LENG8: variants seen among roughly 807,000 people sequenced by gnomAD.
The protein encoded by LENG8 is leukocyte receptor cluster member 8, also known as leukocyte receptor cluster (LRC) member 8.
A neutral mutation model predicts 102.1 loss-of-function variants in LENG8; 28 were observed. The observed-to-expected ratio is 0.27, with a 90% CI of 0.20 to 0.38. The LOEUF (loss-of-function observed/expected upper bound fraction) is 0.38. Among genes scored for constraint, LENG8 ranks in the 10% least tolerant of loss-of-function variants. The pLI is 1.00. For missense variants in LENG8, 1,022 were observed against 1,113.9 expected (o/e 0.92, Z 1.17); for synonymous variants, 531 against 456.7 (o/e 1.16, Z -2.07).
Position 54,460,967 on chromosome 19 carries a change from C to T in LENG8, c.*39C>T, listed in dbSNP as rs1431790846. On this transcript the variant is annotated 3_prime_UTR_variant, in exon 16 of 16. Transcript: ENST00000326764. ...AGGGGCGGGGGCAGGGGCTGCAGCCCCCAGCGCTGCCTTTGCGGATTCTGT... is the reference window on the plus strand; with the variant it reads ...AGGGGCGGGGGCAGGGGCTGCAGCCTCCAGCGCTGCCTTTGCGGATTCTGT... The T allele has an allele frequency of 4.6e-6, 7 of 1,537,032 alleles. No individual in the cohort carries two copies. Among genetic ancestry groups the T allele is most frequent in the Non-Finnish European group, 6.1e-6 (7 of 1,146,600 alleles).
rs2084258090 is a variant in LENG8 at position 54,456,562 on chromosome 19, C to T, written c.1446-74C>T. 1.9e-6 allele frequency: 3 copies of T among 1,539,872 alleles called. No individual in the cohort carries two copies. The South Asian group carries it at 3.7e-5, about 19-fold the overall frequency. The stretch of plus-strand genomic sequence containing the variant: ...GAGGAGGGCCGGACAGGTGGACAGC[C>T]AGCTGCCAAAGGGGCGAGGCTGAAG... On this transcript the variant is annotated intron_variant, in intron 10 of 15. Coordinates refer to ENST00000326764, the MANE Select transcript of LENG8 (RefSeq NM_052925.4).
rs2084273229 is a variant in LENG8 at position 54,456,792 on chromosome 19, C to G, written c.1602C>G (p.Ser534Arg). Reference sequence around the variant, plus strand: ...TCGAGCCCCTGGTGCTGCAGATGAGCAGCCTGGAGAGCAGTGGGGCTGACC... The same window carrying G: ...TCGAGCCCCTGGTGCTGCAGATGAGGAGCCTGGAGAGCAGTGGGGCTGACC... ...LRLEPLVLQM[S>R]SLESSGADPD... The change falls in exon 11 of 16, where the codon AGC (serine) becomes AGG (arginine). Residue 534 changes from serine (S) to arginine (R), a missense_variant. Ser to Arg is a moderately radical substitution (Grantham distance 110). Around this residue, in one of 7 missense-constraint regions of LENG8, gnomAD observed 326 missense variants for 324.5 expected, o/e 1.00. Transcript: ENST00000326764. 4 of 1,611,472 alleles carry G rather than the reference C, an allele frequency of 2.5e-6. No individual in the cohort carries two copies. The highest frequency in any genetic ancestry group is 3.4e-6 in the Non-Finnish European group (4 of 1,179,576).
chr19:54,451,585 TC>T (rs1425028991), intron 2 of LENG8, among the ~76,000 whole-genome samples: 1 of 152,228 alleles, frequency 6.6e-6, no homozygotes, highest in Non-Finnish European at 1.5e-5. Flanking sequence ...CTCTGAGCTT[TC>T]GTTTTTCACA....
At chr19:54,451,422 AAG>A in intron 2 of LENG8, 40 bp downstream of exon 2, 1 of 1,603,572 alleles carries the variant, frequency 6.2e-7, no homozygotes, top group Non-Finnish European at 8.5e-7. Context: ...TCGGGAGGGA[AAG>A]AGGAAGCAAG....
intron 15 of LENG8, 165 bp downstream of exon 15, chr19:54,458,686 C>G: frequency 6.4e-7 from 1 of 1,551,636 alleles, no homozygotes; most frequent in Non-Finnish European, 8.7e-7. Context: ...TCTCCAGTTC[C>G]TCTTGCTCTC....
At position 54,456,915 on chromosome 19, in the gene LENG8, T is replaced by C. The variant is rs2084279758; in HGVS notation, c.1725T>C (p.Pro575=). Residue 575 remains proline (P), a synonymous_variant, in exon 11 of 16, where the codon CCT becomes CCC. Transcript: ENST00000326764. The part of the protein sequence containing the change: ...TCAPDPSTVR[P]VAVLKKSLCM... ...CCCCCGACCCGTCCACCGTGCGCCC[T>C]GTGGCAGTAAGTGCCCAGCAGGGCA... The C allele has an allele frequency of 6.2e-7, 1 of 1,605,356 alleles. No individual in the cohort carries two copies. The highest frequency in any genetic ancestry group is 1.1e-5 in the South Asian group (1 of 90,774).
At position 54,457,797 on chromosome 19, in the gene LENG8, G is replaced by A. The variant is rs368738531; in HGVS notation, c.1782G>A (p.Gln594=). ...CMVKCHWKEK[Q]DYAFACEQMK... is the part of the protein sequence containing the mutation. Reference sequence around the variant, plus strand: ...TCAAGTGCCACTGGAAAGAGAAGCAGGACTACGCGTTTGCCTGCGAGCAGA... The same window carrying A: ...TCAAGTGCCACTGGAAAGAGAAGCAAGACTACGCGTTTGCCTGCGAGCAGA... Residue 594 remains glutamine (Q), a synonymous_variant, in exon 12 of 16, where the codon CAG becomes CAA. Coordinates refer to ENST00000326764, the MANE Select transcript of LENG8 (RefSeq NM_052925.4). 123 of 1,614,118 alleles carry A rather than the reference G, an allele frequency of 7.6e-5. No homozygotes were observed. Among genetic ancestry groups the A allele is most frequent in the Admixed American group, 3.5e-4 (21 of 60,010 alleles).
intron 13 of LENG8, 45 bp downstream of exon 13, chr19:54,458,047 G>A (rs567839092): frequency 8.1e-6 from 13 of 1,612,252 alleles, no homozygotes; most frequent in Admixed American, 5.0e-5. Context: ...TCCTGCTGCC[G>A]TTCTGCCCTC....
chr19:54,456,933 G>T lies in LENG8; in HGVS notation c.1731+12G>T. 1 of 1,599,652 alleles carries T rather than the reference G, an allele frequency of 6.3e-7. No individual in the cohort carries two copies. The highest frequency in any genetic ancestry group is 8.5e-7 in the Non-Finnish European group (1 of 1,176,844). On this transcript the variant is annotated intron_variant, in intron 11 of 15. Coordinates refer to ENST00000326764, the MANE Select transcript of LENG8 (RefSeq NM_052925.4). ...TGCGCCCTGTGGCAGTAAGTGCCCA[G>T]CAGGGCAGTTCTGCTCTGTGAGGCC...
chr19:54,451,467 G>T (rs1002496319), intron 2 of LENG8, 85 bp downstream of exon 2: 5 of 1,383,354 alleles, frequency 3.6e-6, no homozygotes, highest in Non-Finnish European at 5.2e-6. Flanking sequence ...GGGACCTCCC[G>T]TGGCCTTAGG....
Position 54,460,833 on chromosome 19 carries a change from C to T in LENG8, c.2308C>T (p.Arg770Trp), listed in dbSNP as rs1219528894. Reference sequence around the variant, plus strand: ...GGCCTTCGAGGGCGAGGCCGCCTGCCGGGCCTTCCTAGAGCCCCTGGGCCT... The same window carrying T: ...GGCCTTCGAGGGCGAGGCCGCCTGCTGGGCCTTCCTAGAGCCCCTGGGCCT... Reference protein sequence around the residue: ...ELAFEGEAACRAFLEPLGLAY... With the variant: ...ELAFEGEAACWAFLEPLGLAY... The change falls in exon 16 of 16, where the codon CGG becomes TGG. Residue 770 changes from arginine to tryptophan, a missense_variant. Physicochemically the swap from Arg to Trp is moderately radical, Grantham distance 101. Around this residue, in one of 7 missense-constraint regions of LENG8, gnomAD observed 129 missense variants for 123.0 expected, o/e 1.05. Transcript: ENST00000326764. 11 of 1,578,794 alleles carry T rather than the reference C, an allele frequency of 7.0e-6. No individual in the cohort carries two copies. Among genetic ancestry groups the T allele is most frequent in the Admixed American group, 3.6e-5 (2 of 55,192 alleles).
chr19:54,458,075 C>T (rs1428780865), intron 13 of LENG8, 28 bp from the exon 14 acceptor site: 26 of 1,612,134 alleles, frequency 1.6e-5, no homozygotes, highest in African/African-American at 4.0e-5. Context: ...TCACTCTGCT[C>T]TCCTCCCTCG....
chr19:54,459,733 C>T, intron 15 of LENG8: 1 of 1,063,102 alleles, frequency 9.4e-7, no homozygotes, highest in South Asian at 2.7e-5. Context: ...TAGTGTGGGT[C>T]AAGCCAACTT....
At position 54,460,948 on chromosome 19, in the gene LENG8, G is replaced by A. The variant is rs958920408; in HGVS notation, c.*20G>A. On this transcript the variant is annotated 3_prime_UTR_variant, in exon 16 of 16. Coordinates refer to ENST00000326764, the MANE Select transcript of LENG8 (RefSeq NM_052925.4). ...TTCTGAGCACCCAGCGAGGAGGGGC[G>A]GGGGCAGGGGCTGCAGCCCCCAGCG... 28 of 1,525,918 alleles carry A rather than the reference G, an allele frequency of 1.8e-5. No individual in the cohort carries two copies. The highest frequency in any genetic ancestry group is 2.4e-5 in the South Asian group (2 of 81,948). 94.5% of individuals were successfully genotyped at this position (1,525,918 alleles called of 1,614,324 possible).
chr19:54,456,889 GC>G lies in LENG8; in HGVS notation c.1704del (p.Asp569ThrfsTer11). 6.2e-7 allele frequency: 1 copy of G among 1,609,300 alleles called. No individual in the cohort carries two copies. ...ITKHYLRLTC[A>X]PDPSTVRPVA... ...CAAGCACTACCTGCGCCTCACCTGT[GC>G]CCCCGACCCGTCCACCGTGCGCCCT... On this transcript the variant is annotated frameshift_variant, in exon 11 of 16. Coordinates refer to ENST00000326764, the MANE Select transcript of LENG8 (RefSeq NM_052925.4). LOFTEE classifies it high-confidence loss of function.
Position 54,455,050 on chromosome 19 carries a change from G to A in LENG8, c.779G>A (p.Gly260Asp). 6.2e-7 allele frequency: 1 copy of A among 1,614,172 alleles called. No homozygotes were observed. Among genetic ancestry groups the A allele is most frequent in the Non-Finnish European group, 8.5e-7 (1 of 1,180,022 alleles). ...TCCAACGCAGAGGGCCAGCACAGTG[G>A]TTTTGGCCCCCAGCCCAACCCTGAG... is the stretch of plus-strand genomic sequence containing the variant. ...FGSNAEGQHSGFGPQPNPEKV... is the reference protein window; with the variant it reads ...FGSNAEGQHSDFGPQPNPEKV... The change falls in exon 7 of 16, where the codon GGT (glycine) becomes GAT (aspartate). Residue 260 changes from glycine to aspartate, a missense_variant. Around this residue, in one of 7 missense-constraint regions of LENG8, gnomAD observed 343 missense variants for 320.2 expected, o/e 1.07. Coordinates refer to ENST00000326764, the MANE Select transcript of LENG8 (RefSeq NM_052925.4).
intron 6 of LENG8, 69 bp downstream of exon 6, chr19:54,454,751 C>G (rs1359563881): frequency 1.1e-5 from 16 of 1,496,512 alleles, no homozygotes; most frequent in Non-Finnish European, 1.3e-5. Flanking sequence ...GTGTGAGGCC[C>G]GTGGTGTGTG....
intron 8 of LENG8, among the ~76,000 whole-genome samples, 178 bp from the exon 9 acceptor site, chr19:54,455,789 G>A (rs1462123803): frequency 2.6e-5 from 4 of 152,104 alleles, no homozygotes; most frequent in Admixed American, 1.3e-4. Context: ...GTGGTTAAGC[G>A]CACCCTCTGG....
chr19:54,458,073 C>G (rs2123175434), intron 13 of LENG8, 30 bp from the exon 14 acceptor site: 1 of 1,612,114 alleles, frequency 6.2e-7, no homozygotes. Context: ...CCTCACTCTG[C>G]TCTCCTCCCT....
Sources: gnomAD v4.1 joint callset for allele counts (sites outside exome capture counted in the v4.1 genomes callset) on GRCh38, gnomAD v4.1.1 for gene constraint, gnomAD v4.1.1 regional missense constraint, MANE v1.5 for transcripts, NCBI Gene and HGNC (gene_info 2026-07-23, HGNC 2026-07-21) for gene names.